ECPAS: variants seen among roughly 807,000 people sequenced by gnomAD.
ECPAS encodes Ecm29 proteasome adaptor and scaffold.
ECPAS carries 70 observed loss-of-function variants against 255.1 expected under a neutral mutation model. The observed-to-expected ratio is 0.27, with a 90% CI of 0.23 to 0.33. ECPAS has a LOEUF of 0.33. Among genes scored for constraint, ECPAS ranks in the 10% least tolerant of loss-of-function variants. The pLI, the probability that ECPAS is intolerant of heterozygous loss-of-function variation, is 1.00. For missense variants in ECPAS, 1,817 were observed against 2,206.4 expected, an observed-to-expected ratio of 0.82 and a Z score of 3.54; for synonymous variants, 784 against 775.0, an observed-to-expected ratio of 1.01 and a Z score of -0.19.
chr9:111,458,529 C>T (rs1042549692), intron 2 of ECPAS, among the ~76,000 whole-genome samples: 64 of 151,694 alleles, frequency 4.2e-4, no homozygotes, highest in African/African-American at 1.4e-3. Context: ...AGATTGTTTA[C>T]GCTAAGAGAT....
At chr9:111,460,465 G>T (rs2098271850) in intron 2 of ECPAS, among the ~76,000 whole-genome samples, 1 of 152,054 alleles carries the variant, frequency 6.6e-6, no homozygotes, top group Non-Finnish European at 1.5e-5. Context: ...ATTCAAATTT[G>T]TACTGCAAAT....
intron 49 of ECPAS, among the ~76,000 whole-genome samples, chr9:111,362,632 C>T (rs552004571): frequency 6.6e-6 from 1 of 151,806 alleles, no homozygotes; most frequent in Non-Finnish European, 1.5e-5. Context: ...TCGAGGAAAG[C>T]ATCTGAGAAC....
rs35441317 is a variant in ECPAS at position 111,382,260 on chromosome 9, CTT to C, written c.3803+949_3803+950del. ...TTACTGAGGAGAGCAAAAAGTGATA[CTT>C]TTTTTTTTTTTTTTTTTTTGAGACA... is the stretch of plus-strand genomic sequence containing the variant. On this transcript the variant is annotated intron_variant, in intron 35 of 49. Coordinates refer to ENST00000684092, the MANE Select transcript of ECPAS (RefSeq NM_001364929.1). 2.7e-3 allele frequency among the ~76,000 whole-genome samples: 292 copies of C among 107,702 alleles called. 3 individuals are homozygous for C. In the East Asian group the frequency reaches 0.029, roughly 11 times the overall value. 70.7% of individuals were successfully genotyped at this position (107,702 alleles called of 152,430 possible).
intron 48 of ECPAS, among the ~76,000 whole-genome samples, chr9:111,365,042 G>C (rs933809326): frequency 1.3e-5 from 2 of 151,320 alleles, no homozygotes; most frequent in Non-Finnish European, 2.9e-5. Flanking sequence ...AGGCCAAGGC[G>C]GGCAGATCAC....
chr9:111,390,149 C>T (rs568377812), intron 29 of ECPAS, 48 bp from the exon 30 acceptor site: 16 of 1,148,206 alleles, frequency 1.4e-5, no homozygotes, highest in Non-Finnish European at 1.9e-5. Flanking sequence ...TTCTCTCTCT[C>T]CAGCCTAAAA....
chr9:111,370,444 G>A lies in ECPAS; in HGVS notation c.4965C>T (p.Leu1655=), dbSNP rs1440676589. The part of the protein sequence containing the change: ...FQEFSNIVIP[L]IKKNSLESSG... ...ATACAGGTGGTATTACCTTCTTGAT[G>A]AGAGGTATGACAATGTTAGAGAACT... is the stretch of plus-strand genomic sequence containing the variant. Residue 1655 remains leucine, a synonymous_variant, in exon 45 of 50, where the codon CTC becomes CTT. Coordinates refer to ENST00000684092, the MANE Select transcript of ECPAS (RefSeq NM_001364929.1). 1.9e-6 allele frequency: 3 copies of A among 1,583,286 alleles called. No individual in the cohort carries two copies. The South Asian group carries it at 3.5e-5, about 18-fold the overall frequency.
Position 111,410,195 on chromosome 9 carries a change from G to C in ECPAS, c.2396C>G (p.Thr799Arg), listed in dbSNP as rs779361079. The change falls in exon 23 of 50, where the codon ACA (threonine) becomes AGA (arginine). Residue 799 changes from threonine (T) to arginine (R), a missense_variant. This residue lies in a region of ECPAS where 194 missense variants were observed against 152.8 expected (regional missense o/e 1.27). Coordinates refer to ENST00000684092, the MANE Select transcript of ECPAS (RefSeq NM_001364929.1). ...TETIGSFLDSTSPLLAIAACT... is the reference protein window; with the variant it reads ...TETIGSFLDSRSPLLAIAACT... ...GGCAGCAATTGCCAGGAGGGGTGAT[G>C]TACTGTCCAAAAATGAGCCTGTAAG... The C allele has an allele frequency of 6.2e-7, 1 of 1,611,874 alleles. No homozygotes were observed. The highest frequency in any genetic ancestry group is 1.7e-5 in the Admixed American group (1 of 59,646).
chr9:111,373,235 G>A lies in ECPAS; in HGVS notation c.4271C>T (p.Thr1424Ile), dbSNP rs560570042. The change falls in exon 41 of 50, where the codon ACC (threonine) becomes ATC (isoleucine). Residue 1424 changes from threonine (T) to isoleucine (I), a missense_variant and splice_region_variant. Thr to Ile is a moderately conservative substitution (Grantham distance 89, BLOSUM62 -1). Transcript: ENST00000684092. The stretch of plus-strand genomic sequence containing the variant: ...TTTTTCAGTGCTGCTATCCCGTGAG[G>A]TCTGAAAAAGAAACAATCCTAAGTA... The part of the protein sequence containing the change: ...CAFAMGHLVR[T>I]SRDSSTEKLL... 1.2e-6 allele frequency: 2 copies of A among 1,613,580 alleles called. No homozygotes were observed. Among genetic ancestry groups the A allele is most frequent in the African/African-American group, 1.3e-5 (1 of 74,986 alleles).
intron 2 of ECPAS, among the ~76,000 whole-genome samples, chr9:111,452,709 G>A (rs1042419327): frequency 6.6e-6 from 1 of 152,150 alleles, no homozygotes; most frequent in Non-Finnish European, 1.5e-5. Context: ...TGACAGAGAC[G>A]TAGATAGATA....
chr9:111,362,281 C>T (rs2131445877), intron 49 of ECPAS, 112 bp from the exon 50 acceptor site: 2 of 841,334 alleles, frequency 2.4e-6, no homozygotes, highest in East Asian at 2.7e-5. Context: ...AATATCCTAT[C>T]CCCCAAATAA....
intron 29 of ECPAS, 88 bp downstream of exon 29, chr9:111,391,668 C>A (rs904072886): frequency 3.7e-6 from 3 of 807,494 alleles, no homozygotes; most frequent in Non-Finnish European, 6.1e-6. Flanking sequence ...GGGTAGAAAT[C>A]AACTTCATGA....
intron 49 of ECPAS, among the ~76,000 whole-genome samples, chr9:111,362,546 G>A (rs965682521): frequency 5.9e-5 from 9 of 151,644 alleles, no homozygotes; most frequent in South Asian, 2.1e-4. Context: ...CATAAGATAC[G>A]GTCAGTTAAA....
chr9:111,446,726 G>A (rs527239808), intron 3 of ECPAS, among the ~76,000 whole-genome samples: 183 of 152,276 alleles, frequency 1.2e-3, no homozygotes, highest in South Asian at 2.3e-3. Context: ...TTTTACAGAT[G>A]AGGAAGCAGA....
intron 22 of ECPAS, 88 bp downstream of exon 22, chr9:111,410,892 T>C (rs926244565): frequency 3.0e-5 from 38 of 1,286,674 alleles, no homozygotes; most frequent in Middle Eastern, 2.1e-4. Flanking sequence ...TCAAATACAA[T>C]GCCATAAAAA....
At chr9:111,366,052 T>C (rs1295470563) in intron 48 of ECPAS, 187 bp downstream of exon 48, 2 of 546,846 alleles carry the variant, frequency 3.7e-6, no homozygotes, top group African/African-American at 3.8e-5. Flanking sequence ...AACTAGATGC[T>C]AAAATCCTGT....
chr9:111,383,626 A>T (rs796345516), intron 34 of ECPAS, among the ~76,000 whole-genome samples: 53 of 152,338 alleles, frequency 3.5e-4, no homozygotes, highest in African/African-American at 1.2e-3. Context: ...AAAGCACTTT[A>T]AAAAAGGTTT....
At chr9:111,479,796 T>C (rs963408031) in intron 1 of ECPAS, among the ~76,000 whole-genome samples, 7 of 152,014 alleles carry the variant, frequency 4.6e-5, no homozygotes, top group Admixed American at 2.6e-4. Flanking sequence ...CTGGCCAAGA[T>C]GGTGAAACCT....
intron 1 of ECPAS, among the ~76,000 whole-genome samples, chr9:111,473,453 G>A (rs1001296729): frequency 2.0e-5 from 3 of 152,022 alleles, no homozygotes; most frequent in Non-Finnish European, 2.9e-5. Flanking sequence ...CCCGGCCACC[G>A]CTGACCTCTC....
intron 2 of ECPAS, among the ~76,000 whole-genome samples, chr9:111,453,353 G>T (rs938144592): frequency 2.6e-5 from 4 of 152,120 alleles, no homozygotes; most frequent in Admixed American, 2.0e-4. Flanking sequence ...ATAAATAACA[G>T]CATTGGATTA....
Sources: gnomAD v4.1 joint callset for allele counts (sites outside exome capture counted in the v4.1 genomes callset) on GRCh38, gnomAD v4.1.1 for gene constraint, gnomAD v4.1.1 regional missense constraint, MANE v1.5 for transcripts, NCBI Gene and HGNC (gene_info 2026-07-23, HGNC 2026-07-21) for gene names.